SLC11A2: variants seen among roughly 807,000 people sequenced by gnomAD.
The protein encoded by SLC11A2 is solute carrier family 11 member 2.
In SLC11A2, 38 loss-of-function variants were observed where a neutral mutation model predicts 68.0. The ratio of observed to expected loss-of-function variants is 0.56; its 90% CI spans 0.43 to 0.73. SLC11A2 has a LOEUF of 0.73. Ranked by LOEUF, SLC11A2 falls within the 30% of genes least tolerant of loss-of-function variation. The pLI, the probability that SLC11A2 is intolerant of heterozygous loss-of-function variation, is 0.00. For synonymous variants in SLC11A2, 242 were observed against 250.6 expected (o/e 0.97, Z 0.32); for missense variants, 517 against 690.5 (o/e 0.75, Z 2.82).
intron 1 of SLC11A2, among the ~76,000 whole-genome samples, chr12:51,011,286 G>A (rs372416816): frequency 1.3e-5 from 2 of 151,584 alleles, no homozygotes; most frequent in Admixed American, 6.6e-5. Flanking sequence ...CCGCCACCAC[G>A]CCCAGCCAAT....
chr12:50,960,843 T>C, the SLC11A2 span: 1 of 752,850 alleles, frequency 1.3e-6, no homozygotes, highest in Non-Finnish European at 2.1e-6. Flanking sequence ...TCACCATGTG[T>C]GGCTAATTTT....
chr12:50,967,861 A>C, the SLC11A2 span, among the ~76,000 whole-genome samples: 30 of 152,258 alleles, frequency 2.0e-4, no homozygotes, highest in Non-Finnish European at 4.1e-4. Flanking sequence ...CCAAGGCAGG[A>C]GAATCACTTG....
the SLC11A2 span, among the ~76,000 whole-genome samples, chr12:50,970,801 C>T: frequency 3.9e-5 from 6 of 152,150 alleles, no homozygotes; most frequent in Non-Finnish European, 7.4e-5. Context: ...ATCTGTCAAA[C>T]TAATGATAAT....
the SLC11A2 span, among the ~76,000 whole-genome samples, chr12:50,972,323 T>C: frequency 2.0e-5 from 3 of 152,334 alleles, no homozygotes; most frequent in African/African-American, 7.2e-5. Flanking sequence ...TAAAGTAATA[T>C]ATTTGTTGCT....
chr12:50,986,421 G>C lies in SLC11A2; in HGVS notation c.*1904C>G. 7.8e-7 allele frequency: 1 copy of C among 1,283,284 alleles called. No homozygotes were observed. 79.5% of individuals were successfully genotyped at this position (1,283,284 alleles called of 1,614,324 possible). ...TTATAAAATGCCATTTAATTGGAAGGAGTTTTCTATCATTGCAAGTCATAA... is the reference window on the plus strand; with the variant it reads ...TTATAAAATGCCATTTAATTGGAAGCAGTTTTCTATCATTGCAAGTCATAA... On this transcript the variant is annotated 3_prime_UTR_variant, in exon 16 of 16. Coordinates refer to ENST00000262052, the MANE Select transcript of SLC11A2 (RefSeq NM_000617.3).
chr12:51,005,540 A>G, intron 3 of SLC11A2, 104 bp from the exon 4 acceptor site: 3 of 1,570,776 alleles, frequency 1.9e-6, no homozygotes, highest in Non-Finnish European at 2.6e-6. Flanking sequence ...CCTCACAAGA[A>G]AAAAGGATTT....
the SLC11A2 span, among the ~76,000 whole-genome samples, chr12:50,966,838 T>C: frequency 6.6e-6 from 1 of 152,266 alleles, no homozygotes; most frequent in African/African-American, 2.4e-5. Context: ...AGGTTGGGGA[T>C]TGAATTTGTA....
At chr12:50,967,898 GC>G in the SLC11A2 span, among the ~76,000 whole-genome samples, 1 of 152,006 alleles carries the variant, frequency 6.6e-6, no homozygotes, top group African/African-American at 2.4e-5. Context: ...ACCATTCTGG[GC>G]AACATGGCGA....
At chr12:50,969,612 T>G in the SLC11A2 span, among the ~76,000 whole-genome samples, 3 of 151,226 alleles carry the variant, frequency 2.0e-5, no homozygotes, top group Admixed American at 6.6e-5. Context: ...GGCAGGAGAA[T>G]CGCTTGAACC....
rs1480307935 is a variant in SLC11A2, at chr12:50,988,440, A to G, written c.1576-5T>C. ...TGCAATCAAACATTGCCAACCCTGA[A>G]AGACAAAATATGGTCATCACTCACC... On this transcript the variant is annotated splice_polypyrimidine_tract_variant and splice_region_variant and intron_variant, in intron 15 of 15. Coordinates refer to ENST00000262052, the MANE Select transcript of SLC11A2 (RefSeq NM_000617.3). The G allele has an allele frequency of 2.5e-6, 4 of 1,613,930 alleles. No individual in the cohort carries two copies.
intron 1 of SLC11A2, among the ~76,000 whole-genome samples, chr12:51,012,516 C>A (rs1031543861): frequency 5.9e-5 from 9 of 152,146 alleles, no homozygotes; most frequent in African/African-American, 2.2e-4. Context: ...CTGCTTAAAT[C>A]TAGTCTTTTT....
At chr12:50,976,673 AG>A (rs1337993104), downstream of SLC11A2, among the ~76,000 whole-genome samples, 1 of 152,232 alleles carries the variant, frequency 6.6e-6, no homozygotes, top group Admixed American at 6.5e-5. Context: ...AAAGAAATAA[AG>A]GGTATTCAGT....
At chr12:50,999,676 T>G (rs900651759) in intron 6 of SLC11A2, 3 of 489,158 alleles carry the variant, frequency 6.1e-6, no homozygotes, top group Non-Finnish European at 7.4e-6. Flanking sequence ...CCTCATGGAG[T>G]TAGACAGATA....
chr12:51,015,568 G>C (rs1360848886), intron 1 of SLC11A2, among the ~76,000 whole-genome samples: 2 of 151,530 alleles, frequency 1.3e-5, no homozygotes, highest in Non-Finnish European at 2.9e-5. Context: ...AAGTCTCCAT[G>C]AAAATTTATG....
chr12:50,958,281 TC>T, the SLC11A2 span, among the ~76,000 whole-genome samples: 2 of 134,344 alleles, frequency 1.5e-5, no homozygotes, highest in Non-Finnish European at 3.2e-5. Flanking sequence ...GCTAAAATAA[TC>T]TTTTTTTTTT....
downstream of SLC11A2, among the ~76,000 whole-genome samples, chr12:50,985,391 G>C (rs796575694): frequency 2.6e-4 from 39 of 152,298 alleles, no homozygotes; most frequent in African/African-American, 9.1e-4. Context: ...TCACAGGGAA[G>C]CCTTGCAACA....
At chr12:50,989,038 T>C (rs1940880864) in intron 15 of SLC11A2, among the ~76,000 whole-genome samples, 1 of 152,168 alleles carries the variant, frequency 6.6e-6, no homozygotes. Flanking sequence ...TTTACCCAAC[T>C]GTAAGTTCTC....
chr12:50,976,021 G>T (rs1050562153), downstream of SLC11A2, among the ~76,000 whole-genome samples: 6 of 152,134 alleles, frequency 3.9e-5, no homozygotes, highest in Non-Finnish European at 8.8e-5. Flanking sequence ...ACCAAAAAAA[G>T]TCCAGGACCA....
chr12:51,026,551 T>A, upstream of SLC11A2: 1 of 346,042 alleles, frequency 2.9e-6, no homozygotes, highest in Non-Finnish European at 5.4e-6. Context: ...CGGCGGCCCC[T>A]GGGGCACCCG....
Sources: gnomAD v4.1 joint callset for allele counts (sites outside exome capture counted in the v4.1 genomes callset) on GRCh38, gnomAD v4.1.1 for gene constraint, MANE v1.5 for transcripts, NCBI Gene and HGNC (gene_info 2026-07-23, HGNC 2026-07-21) for gene names.